Variants in MAP3K19 observed in about 807,000 individuals in gnomAD.
The protein encoded by MAP3K19 is mitogen-activated protein kinase kinase kinase 19, also known as SPS1/STE20-related protein kinase YSK4.
In MAP3K19, 91 loss-of-function variants were observed where a neutral mutation model predicts 114.4. The ratio of observed to expected loss-of-function variants is 0.80; its 90% CI spans 0.67 to 0.95. The LOEUF (loss-of-function observed/expected upper bound fraction) is 0.95, where lower values mean the gene tolerates loss of function less well. Ranked by LOEUF, MAP3K19 falls within the 40% of genes least tolerant of loss-of-function variation. The pLI is 0.00. For synonymous variants in MAP3K19, 518 were observed against 530.5 expected (o/e 0.98, Z 0.32); for missense variants, 1,471 against 1,573.2 (o/e 0.94, Z 1.10).
intron 8 of MAP3K19, among the ~76,000 whole-genome samples, 199 bp downstream of exon 8, chr2:134,998,539 A>G (rs1686192319): frequency 6.6e-6 from 1 of 152,184 alleles, no homozygotes; most frequent in Non-Finnish European, 1.5e-5. Context: ...ACATTATGCC[A>G]TCCTTCATTT....
chr2:134,965,371 G>A (rs1164840010), intron 12 of MAP3K19, among the ~76,000 whole-genome samples: 2 of 152,130 alleles, frequency 1.3e-5, no homozygotes, highest in Non-Finnish European at 2.9e-5. Flanking sequence ...AATATGCTTT[G>A]GTGATTAATT....
chr2:134,976,061 G>A (rs1684213851), intron 12 of MAP3K19, among the ~76,000 whole-genome samples: 1 of 152,182 alleles, frequency 6.6e-6, no homozygotes, highest in African/African-American at 2.4e-5. Context: ...TACAATGCTG[G>A]GGATCTGGCC....
chr2:134,994,618 A>C (rs991343010), intron 8 of MAP3K19, among the ~76,000 whole-genome samples: 1 of 152,224 alleles, frequency 6.6e-6, no homozygotes, highest in African/African-American at 2.4e-5. Flanking sequence ...CTCCAGTCTC[A>C]TAACCTACAG....
intron 5 of MAP3K19, among the ~76,000 whole-genome samples, chr2:135,016,296 G>A (rs1687583311): frequency 6.6e-6 from 1 of 152,186 alleles, no homozygotes; most frequent in Non-Finnish European, 1.5e-5. Context: ...ATGCAACCCA[G>A]AACCATGTAT....
At position 134,980,982 on chromosome 2, in the gene MAP3K19, A is replaced by G. The variant is rs1345406223; in HGVS notation, c.3759T>C (p.Ile1253=). ...TAGCCATCTCAAACACAGTACAACC[A>G]ATGCTCCAGATATCTGATTTCCGTC... ...GYGRKSDIWS[I]GCTVFEMATG... The change falls in exon 12 of 13, where the codon ATT becomes ATC. Residue 1253 remains isoleucine (I), a synonymous_variant. Transcript: ENST00000392915. The G allele has an allele frequency of 6.2e-7, 1 of 1,614,012 alleles. No individual in the cohort carries two copies. Among genetic ancestry groups the G allele is most frequent in the Non-Finnish European group, 8.5e-7 (1 of 1,180,046 alleles).
At chr2:134,979,546 G>A (rs1353689732) in intron 12 of MAP3K19, among the ~76,000 whole-genome samples, 4 of 149,828 alleles carry the variant, frequency 2.7e-5, no homozygotes, top group Non-Finnish European at 4.4e-5. Context: ...ATAGGTAATT[G>A]TTAAATTCGG....
In MAP3K19 at chr2:134,987,259, A is replaced by C; in HGVS notation, c.1613T>G (p.Leu538Trp). ...KHKMNSHRSK[L>W]DSKTKTSKKT... ...CTTACTTGTCTTGGTCTTTGAATCCAACTTACTCCTATGGGAATTCATCTT... is the reference window on the plus strand; with the variant it reads ...CTTACTTGTCTTGGTCTTTGAATCCCACTTACTCCTATGGGAATTCATCTT... Residue 538 changes from leucine (L) to tryptophan (W), a missense_variant, in exon 10 of 13, where the codon TTG becomes TGG. Coordinates refer to ENST00000392915, the MANE Select transcript of MAP3K19 (RefSeq NM_025052.5). The C allele has an allele frequency of 6.2e-7, 1 of 1,614,162 alleles. No homozygotes were observed. The highest frequency in any genetic ancestry group is 8.5e-7 in the Non-Finnish European group (1 of 1,180,036).
intron 6 of MAP3K19, among the ~76,000 whole-genome samples, chr2:135,000,287 G>A (rs1217908154): frequency 6.6e-6 from 1 of 152,184 alleles, no homozygotes; most frequent in Non-Finnish European, 1.5e-5. Flanking sequence ...CCTCAGGATG[G>A]AGAAAACAGA....
intron 5 of MAP3K19, among the ~76,000 whole-genome samples, chr2:135,009,680 C>A (rs62168924): frequency 0.042 from 6,352 of 152,016 alleles, 159 homozygotes; most frequent in African/African-American, 0.056. Context: ...GTCATACCCA[C>A]CTACAAAATC....
At chr2:135,035,255 G>C (rs1379796685) in intron 2 of MAP3K19, among the ~76,000 whole-genome samples, 1 of 151,966 alleles carries the variant, frequency 6.6e-6, no homozygotes, top group Non-Finnish European at 1.5e-5. Context: ...AAATTAGCTG[G>C]GCATGATGGC....
chr2:134,994,326 G>A (rs991583023), intron 8 of MAP3K19, among the ~76,000 whole-genome samples: 1 of 152,178 alleles, frequency 6.6e-6, no homozygotes, highest in East Asian at 1.9e-4. Flanking sequence ...GGGAACTGAA[G>A]GTACCTCTGA....
At chr2:135,038,021 T>C (rs1688568692) in intron 2 of MAP3K19, among the ~76,000 whole-genome samples, 1 of 152,182 alleles carries the variant, frequency 6.6e-6, no homozygotes, top group Admixed American at 6.5e-5. Context: ...TCCTTCATAG[T>C]TCTTGAGAGA....
intron 12 of MAP3K19, among the ~76,000 whole-genome samples, chr2:134,977,356 ATTTTTTTTTTTTT>A (rs774277347): frequency 5.8e-5 from 5 of 86,834 alleles, no homozygotes; most frequent in African/African-American, 2.5e-4. Context: ...TAATTTTTAA[ATTTTTTTTTTTTT>A]TTTTTTTTTT....
At chr2:134,992,066 C>T (rs181816148) in intron 8 of MAP3K19, among the ~76,000 whole-genome samples, 67 of 152,284 alleles carry the variant, frequency 4.4e-4, no homozygotes, top group Middle Eastern at 3.4e-3. Flanking sequence ...TAAGCAAATG[C>T]CTCCAGGAGA....
At position 134,970,754 on chromosome 2, in the gene MAP3K19, C is replaced by CA. The variant is rs887483596; in HGVS notation, c.3921-5839dup. On this transcript the variant is annotated intron_variant, in intron 12 of 12. Transcript: ENST00000392915. ...CTGGGACTACAGGTGCCCGCCACCA[C>CA]ACCTGGCTAATTTTTTGTATTTTTA... is the stretch of plus-strand genomic sequence containing the variant. Among the ~76,000 whole-genome samples, 343 of 152,136 alleles carry CA rather than the reference C, an allele frequency of 2.3e-3. 1 individual carries two copies. Among genetic ancestry groups the CA allele is most frequent in the African/African-American group, 7.1e-3 (295 of 41,500 alleles).
At chr2:135,015,208 A>G (rs1476496644) in intron 5 of MAP3K19, among the ~76,000 whole-genome samples, 2 of 152,224 alleles carry the variant, frequency 1.3e-5, no homozygotes, top group Non-Finnish European at 2.9e-5. Flanking sequence ...TCAACACTTG[A>G]TATTTCCCAA....
At chr2:135,046,468 G>C (rs559479372) in intron 1 of MAP3K19, among the ~76,000 whole-genome samples, 1 of 152,208 alleles carries the variant, frequency 6.6e-6, no homozygotes, top group South Asian at 2.1e-4. Flanking sequence ...TAGAGACAGG[G>C]TTTCACCATG....
At chr2:135,026,064 T>C (rs1270678938) in intron 3 of MAP3K19, among the ~76,000 whole-genome samples, 6 of 152,218 alleles carry the variant, frequency 3.9e-5, no homozygotes, top group African/African-American at 1.2e-4. Context: ...TATGGACTTT[T>C]CTTCATCAAA....
intron 12 of MAP3K19, chr2:134,980,590 GAC>G (rs1172541294): frequency 2.0e-6 from 1 of 507,894 alleles, no homozygotes. Flanking sequence ...AACTTGATAA[GAC>G]ATTTAATTGA....
Sources: gnomAD v4.1 joint callset for allele counts (sites outside exome capture counted in the v4.1 genomes callset) on GRCh38, gnomAD v4.1.1 for gene constraint, MANE v1.5 for transcripts, NCBI Gene and HGNC (gene_info 2026-07-23, HGNC 2026-07-21) for gene names.